ANK3: variants seen among roughly 807,000 people sequenced by gnomAD.
ANK3 encodes the protein ankyrin-3.
ANK3 carries 57 observed loss-of-function variants against 370.9 expected under a neutral mutation model. The ratio of observed to expected loss-of-function variants is 0.15; its 90% CI spans 0.12 to 0.19. The LOEUF is 0.19. Among genes scored for constraint, ANK3 ranks in the 10% least tolerant of loss-of-function variants. The pLI is 1.00. For missense variants in ANK3, 4,439 were observed against 5,302.1 expected (o/e 0.84, Z 5.06); for synonymous variants, 1,929 against 1,946.3 (o/e 0.99, Z 0.23).
At chr10:60,436,786 G>A (rs1373730597) in intron 2 of ANK3, among the ~76,000 whole-genome samples, 2 of 152,164 alleles carry the variant, frequency 1.3e-5, no homozygotes, top group Non-Finnish European at 2.9e-5. Context: ...GTCCCTTGAA[G>A]CACAAAAGCT....
At chr10:60,521,161 A>G (rs1376948972) in intron 2 of ANK3, among the ~76,000 whole-genome samples, 1 of 152,118 alleles carries the variant, frequency 6.6e-6, no homozygotes, top group East Asian at 1.9e-4. Context: ...TCAGCTTTAA[A>G]GAGGTTATTT....
Position 60,055,935 on chromosome 10 carries a change from G to A in ANK3, c.12788C>T (p.Thr4263Ile). The change falls in exon 42 of 44, where the codon ACA becomes ATA. Residue 4263 changes from threonine to isoleucine, a missense_variant. Thr to Ile is a moderately conservative substitution (Grantham distance 89, BLOSUM62 -1). Around this residue, in one of 13 missense-constraint regions of ANK3, gnomAD observed 242 missense variants for 228.0 expected, o/e 1.06. Transcript: ENST00000280772. The part of the protein sequence containing the change: ...SHTEITPEAK[T>I]KSYFPESQND... ...TTGGGATTCTGGAAAGTAAGATTTTGTCTTTGCTTCTGGAGTGATTTCTGT... is the reference window on the plus strand; with the variant it reads ...TTGGGATTCTGGAAAGTAAGATTTTATCTTTGCTTCTGGAGTGATTTCTGT... 7 of 1,614,076 alleles carry A rather than the reference G, an allele frequency of 4.3e-6. No individual in the cohort carries two copies. The highest frequency in any genetic ancestry group is 5.9e-6 in the Non-Finnish European group (7 of 1,180,000).
chr10:60,080,434 C>A (rs774273795), intron 36 of ANK3, 103 bp downstream of exon 36: 12 of 979,808 alleles, frequency 1.2e-5, no homozygotes, highest in South Asian at 1.5e-5. Flanking sequence ...GGCAATTTTT[C>A]TTTTGCCATT....
intron 13 of ANK3, among the ~76,000 whole-genome samples, chr10:60,199,054 C>T (rs535709039): frequency 6.6e-6 from 1 of 152,222 alleles, no homozygotes; most frequent in South Asian, 2.1e-4. Context: ...GGCTGATGCC[C>T]TCTGCTTGCC....
intron 25 of ANK3, among the ~76,000 whole-genome samples, chr10:60,127,501 A>C (rs961991540): frequency 1.3e-5 from 2 of 152,150 alleles, no homozygotes; most frequent in African/African-American, 4.8e-5. Flanking sequence ...ACTGAATTAC[A>C]TGTTTCTGCC....
intron 1 of ANK3, among the ~76,000 whole-genome samples, chr10:60,695,974 G>T (rs1306889193): frequency 6.6e-6 from 1 of 150,586 alleles, no homozygotes; most frequent in East Asian, 1.9e-4. Context: ...CTGGTTTTTT[G>T]AAAGGATCAA....
chr10:60,122,456 G>A (rs1469009210), intron 25 of ANK3, among the ~76,000 whole-genome samples: 2 of 152,198 alleles, frequency 1.3e-5, no homozygotes, highest in South Asian at 2.1e-4. Flanking sequence ...GCCAGTCCTC[G>A]CCTGGCCTCC....
At chr10:60,090,551 C>T (rs1213092205) in intron 28 of ANK3, among the ~76,000 whole-genome samples, 2 of 152,066 alleles carry the variant, frequency 1.3e-5, no homozygotes, top group East Asian at 3.8e-4. Context: ...TTAATATGCT[C>T]AATACCAAAC....
intron 26 of ANK3, among the ~76,000 whole-genome samples, chr10:60,110,454 G>A (rs1417040915): frequency 6.6e-6 from 1 of 152,008 alleles, no homozygotes; most frequent in Non-Finnish European, 1.5e-5. Flanking sequence ...ACATTCTATC[G>A]ATTTTGGGAG....
intron 4 of ANK3, among the ~76,000 whole-genome samples, chr10:60,272,502 CAG>C (rs1318982457): frequency 9.9e-5 from 15 of 151,304 alleles, no homozygotes; most frequent in South Asian, 4.2e-4. Flanking sequence ...TTTGTTGAGA[CAG>C]AGTCTCACTC....
At chr10:60,346,633 GC>G (rs11324488) in intron 1 of ANK3, among the ~76,000 whole-genome samples, 105,903 of 151,796 alleles carry the variant, frequency 0.7, 38,206 homozygotes, top group South Asian at 0.91. Flanking sequence ...GGGGATGGGG[GC>G]AATTCAGCAA....
intron 18 of ANK3, among the ~76,000 whole-genome samples, chr10:60,177,844 G>C (rs778487576): frequency 5.3e-5 from 8 of 151,832 alleles, no homozygotes; most frequent in Non-Finnish European, 8.8e-5. Flanking sequence ...TCGTGATCTG[G>C]CCGCCGCGGC....
intron 23 of ANK3, among the ~76,000 whole-genome samples, chr10:60,156,012 GT>G: frequency 6.6e-6 from 1 of 152,310 alleles, no homozygotes; most frequent in East Asian, 1.9e-4. Context: ...TTGTGATTGT[GT>G]GAATCAATTC....
chr10:60,413,148 C>T (rs375751789), intron 2 of ANK3, among the ~76,000 whole-genome samples: 35 of 152,332 alleles, frequency 2.3e-4, no homozygotes, highest in African/African-American at 8.4e-4. Context: ...GCAATTCTAG[C>T]CACTTCTTCC....
intron 2 of ANK3, among the ~76,000 whole-genome samples, chr10:60,546,909 A>G (rs1158980202): frequency 6.6e-5 from 10 of 152,260 alleles, no homozygotes; most frequent in Middle Eastern, 6.8e-3. Flanking sequence ...CATAAGGTAG[A>G]TAATATTAAC....
intron 2 of ANK3, among the ~76,000 whole-genome samples, chr10:60,515,801 A>G (rs975359002): frequency 1.3e-5 from 2 of 152,260 alleles, no homozygotes; most frequent in African/African-American, 4.8e-5. Context: ...AAGCAAACAA[A>G]CTGACAAACA....
intron 7 of ANK3, among the ~76,000 whole-genome samples, chr10:60,244,779 A>T (rs922262641): frequency 2.0e-5 from 3 of 152,236 alleles, no homozygotes; most frequent in African/African-American, 7.2e-5. Context: ...TATCTTTTGA[A>T]AACTCTTTTA....
intron 2 of ANK3, among the ~76,000 whole-genome samples, chr10:60,459,900 C>T (rs2064840549): frequency 6.6e-6 from 1 of 152,146 alleles, no homozygotes; most frequent in Non-Finnish European, 1.5e-5. Flanking sequence ...CTTTGTAAAA[C>T]TTCCTTGTGT....
At chr10:60,436,009 A>G (rs2064146916) in intron 2 of ANK3, among the ~76,000 whole-genome samples, 1 of 151,422 alleles carries the variant, frequency 6.6e-6, no homozygotes, top group South Asian at 2.1e-4. Flanking sequence ...AATGGCTTGA[A>G]CCCGGAAGGC....
Sources: allele counts gnomAD v4.1 joint callset (sites outside exome capture counted in the v4.1 genomes callset), GRCh38; gene constraint gnomAD v4.1.1; regional missense constraint gnomAD v4.1.1; transcripts MANE v1.5; gene names NCBI Gene and HGNC (gene_info 2026-07-23, HGNC 2026-07-21).